NRDE2: variants seen among roughly 807,000 people sequenced by gnomAD.
The protein encoded by NRDE2 is NRDE-2, necessary for RNA interference, domain containing.
A neutral mutation model predicts 124.2 loss-of-function variants in NRDE2; 76 were observed. That is an observed-to-expected ratio of 0.61 (90% CI 0.51 to 0.74). The LOEUF is 0.74. NRDE2 is among the 30% of genes least tolerant of loss of function. NRDE2 has a pLI of 0.00. For missense variants in NRDE2, 1,314 were observed against 1,417.3 expected, an observed-to-expected ratio of 0.93 and a Z score of 1.17; for synonymous variants, 489 against 528.1, an observed-to-expected ratio of 0.93 and a Z score of 1.01.
Position 90,287,033 on chromosome 14 carries a change from C to CAAAAA in NRDE2, c.3159-546_3159-542dup, listed in dbSNP as rs60863011. On this transcript the variant is annotated intron_variant, in intron 11 of 13. Transcript: ENST00000354366. Reference sequence around the variant, plus strand: ...TGGGCAACAGAGTGAGACTCCGTCTCAAAAAAAAAAAAAAAAAAAAAAAAA... The same window carrying CAAAAA: ...TGGGCAACAGAGTGAGACTCCGTCTCAAAAAAAAAAAAAAAAAAAAAAAAAAAAAA... 8.0e-3 allele frequency among the ~76,000 whole-genome samples: 191 copies of CAAAAA among 23,774 alleles called. 6 individuals carry two copies. The highest frequency in any genetic ancestry group is 0.011 in the Non-Finnish European group (126 of 11,722). 15.6% of individuals were successfully genotyped at this position (23,774 alleles called of 152,430 possible). A position where few individuals can be genotyped will look rare whatever the true frequency, so the allele number is the denominator to read the frequency against.
chr14:90,289,909 C>T (rs1892223878), intron 10 of NRDE2, among the ~76,000 whole-genome samples: 1 of 152,176 alleles, frequency 6.6e-6, no homozygotes, highest in African/African-American at 2.4e-5. Flanking sequence ...TAATAAGCCC[C>T]TGAATGCTCT....
chr14:90,328,319 A>AAAG (rs1555362624), intron 1 of NRDE2, among the ~76,000 whole-genome samples: 3 of 149,130 alleles, frequency 2.0e-5, no homozygotes, highest in African/African-American at 4.9e-5. Flanking sequence ...AAAAAAAAAA[A>AAAG]AAAAGAAAAA....
Position 90,268,495 on chromosome 14 carries a change from G to T in NRDE2, c.*9841C>A, listed in dbSNP as rs367968578. On this transcript the variant is annotated 3_prime_UTR_variant, in exon 14 of 14. Transcript: ENST00000354366. ...CTCTTGAGAATGAGCAATCTCAGGGGGCTCTCCCTATGGCCACAGTTCTTG... is the reference window on the plus strand; with the variant it reads ...CTCTTGAGAATGAGCAATCTCAGGGTGCTCTCCCTATGGCCACAGTTCTTG... 7.3e-7 allele frequency: 1 copy of T among 1,373,570 alleles called. No homozygotes were observed. Among genetic ancestry groups the T allele is most frequent in the Non-Finnish European group, 1.0e-6 (1 of 981,632 alleles). The allele number at this position is 1,373,570 out of a possible 1,614,324, so 85.1% of individuals were successfully genotyped here.
rs1188101626 is a variant in NRDE2 at position 90,268,644 on chromosome 14, G to A, written c.*9692C>T. On this transcript the variant is annotated 3_prime_UTR_variant, in exon 14 of 14. Transcript: ENST00000354366. Reference sequence around the variant, plus strand: ...ATGAATAACCATGTCTTGAGCACCCGCCCTGATCCAGGACCATCTGGACTC... The same window carrying A: ...ATGAATAACCATGTCTTGAGCACCCACCCTGATCCAGGACCATCTGGACTC... 1.3e-5 allele frequency: 6 copies of A among 465,786 alleles called. No homozygotes were observed. Among genetic ancestry groups the A allele is most frequent in the Admixed American group, 3.8e-5 (1 of 26,044 alleles). 28.9% of individuals were successfully genotyped at this position (465,786 alleles called of 1,614,324 possible). A position where few individuals can be genotyped will look rare whatever the true frequency, so the allele number is the denominator to read the frequency against.
chr14:90,296,575 C>T lies in NRDE2; in HGVS notation c.1666+1685G>A, dbSNP rs932653501. Among the ~76,000 whole-genome samples the T allele has an allele frequency of 6.6e-5, 10 of 152,104 alleles. 1 individual carries two copies. Among genetic ancestry groups the T allele is most frequent in the Admixed American group, 3.9e-4 (6 of 15,266 alleles). Reference sequence around the variant, plus strand: ...CTCTGAACTGTCGTGCAAGACAATACCTAATCCAAAGTTTTCATGGTGCAA... The same window carrying T: ...CTCTGAACTGTCGTGCAAGACAATATCTAATCCAAAGTTTTCATGGTGCAA... On this transcript the variant is annotated intron_variant, in intron 8 of 13. Coordinates refer to ENST00000354366, the MANE Select transcript of NRDE2 (RefSeq NM_017970.4).
chr14:90,288,394 T>C lies in NRDE2; in HGVS notation c.2981A>G (p.Tyr994Cys). 2 of 1,614,172 alleles carry C rather than the reference T, an allele frequency of 1.2e-6. No homozygotes were observed. ...REALSQALKLYPGNQVLWRSY... is the reference protein window; with the variant it reads ...REALSQALKLCPGNQVLWRSY... ...CCTCCAAAGAACCTGGTTGCCTGGA[T>C]ACAACTTTAAAGCCTGTGAGAGTGC... The change falls in exon 11 of 14, where the codon TAT (tyrosine) becomes TGT (cysteine). Residue 994 changes from tyrosine to cysteine, a missense_variant. Coordinates refer to ENST00000354366, the MANE Select transcript of NRDE2 (RefSeq NM_017970.4).
chr14:90,312,590 C>G, intron 3 of NRDE2, 47 bp from the exon 4 acceptor site: 4 of 1,603,890 alleles, frequency 2.5e-6, no homozygotes, highest in Non-Finnish European at 3.4e-6. Flanking sequence ...TTTAAAAAAT[C>G]TTCCAGTGAC....
At chr14:90,301,486 C>G in intron 6 of NRDE2, 114 bp from the exon 7 acceptor site, 1 of 899,400 alleles carries the variant, frequency 1.1e-6, no homozygotes, top group South Asian at 1.6e-5. Flanking sequence ...CCTGCAATCA[C>G]TATTAATTTA....
At chr14:90,310,521 CT>C (rs35448297) in intron 4 of NRDE2, among the ~76,000 whole-genome samples, 42,792 of 135,816 alleles carry the variant, frequency 0.32, 6,989 homozygotes, top group East Asian at 0.51. Context: ...GTTGACTGCC[CT>C]TTTTTTTTTT....
intron 7 of NRDE2, 148 bp downstream of exon 7, chr14:90,301,091 A>C: frequency 1.3e-6 from 1 of 742,804 alleles, no homozygotes. Flanking sequence ...CCTCCTCAGC[A>C]GACTGATATA....
In NRDE2 at chr14:90,272,352, A is replaced by G. The variant is rs1169244113; in HGVS notation, c.*5984T>C. On this transcript the variant is annotated 3_prime_UTR_variant, in exon 14 of 14. Coordinates refer to ENST00000354366, the MANE Select transcript of NRDE2 (RefSeq NM_017970.4). This position sits in a 1 kb window ranked among gnomAD's most constrained non-coding sequence, Gnocchi z 4.5. Reference sequence around the variant, plus strand: ...ACAAATGAAGACTTCAAAAAATCTAAAGAAAATGTTCTTTATAAGAAACAG... The same window carrying G: ...ACAAATGAAGACTTCAAAAAATCTAGAGAAAATGTTCTTTATAAGAAACAG... 1.2e-6 allele frequency: 2 copies of G among 1,602,794 alleles called. No individual in the cohort carries two copies. Among genetic ancestry groups the G allele is most frequent in the Admixed American group, 1.7e-5 (1 of 57,658 alleles).
intron 1 of NRDE2, among the ~76,000 whole-genome samples, chr14:90,329,478 T>C (rs1404285542): frequency 2.0e-5 from 3 of 151,918 alleles, no homozygotes; most frequent in African/African-American, 7.3e-5. Context: ...GGCAGGAGGA[T>C]CACTTGAGCC....
chr14:90,283,938 C>T (rs1228254394), intron 12 of NRDE2, among the ~76,000 whole-genome samples: 2 of 152,144 alleles, frequency 1.3e-5, no homozygotes, highest in Admixed American at 1.3e-4. Flanking sequence ...GTCTCAATCT[C>T]CTGACCTCGT....
rs752165763 is a variant in NRDE2 at position 90,303,122 on chromosome 14, C to T, written c.1009G>A (p.Glu337Lys). 6.2e-7 allele frequency: 1 copy of T among 1,605,096 alleles called. No homozygotes were observed. Among genetic ancestry groups the T allele is most frequent in the Non-Finnish European group, 8.5e-7 (1 of 1,175,698 alleles). ...TACAGGCCAGGACTTTTCATGACCTCGTCCTCAACAACAAAAACACCAATT... is the reference window on the plus strand; with the variant it reads ...TACAGGCCAGGACTTTTCATGACCTTGTCCTCAACAACAAAAACACCAATT... ...LWMAFVAFQD[E>K]VMKSPGLYAI... Residue 337 changes from glutamate to lysine, a missense_variant, in exon 6 of 14, where the codon GAG (glutamate) becomes AAG (lysine). Glu to Lys is a moderately conservative substitution (Grantham distance 56, BLOSUM62 1). Transcript: ENST00000354366.
intron 13 of NRDE2, 151 bp from the exon 14 acceptor site, chr14:90,278,612 G>A: frequency 3.6e-6 from 3 of 826,444 alleles, no homozygotes; most frequent in South Asian, 3.5e-5. Flanking sequence ...TTCTTAACTC[G>A]GGCAGCACTG....
intron 4 of NRDE2, among the ~76,000 whole-genome samples, chr14:90,307,658 A>G (rs371888871): frequency 4.6e-5 from 7 of 152,310 alleles, no homozygotes; most frequent in Admixed American, 6.5e-5. Context: ...GGCGGATCAC[A>G]AGGTCAGGAG....
chr14:90,330,418 GCTAA>G lies in NRDE2; in HGVS notation c.64+1419_64+1422del, dbSNP rs1733336744. Among the ~76,000 whole-genome samples the G allele has an allele frequency of 2.6e-5, 4 of 152,192 alleles. No homozygotes were observed. The South Asian group carries it at 6.2e-4, about 24-fold the overall frequency. Reference sequence around the variant, plus strand: ...ATTATACTTTGGACCTGTGCTAGGGGCTAACTATGCTACAATGAATAGACAAACA... The same window carrying G: ...ATTATACTTTGGACCTGTGCTAGGGGCTATGCTACAATGAATAGACAAACA... On this transcript the variant is annotated intron_variant, in intron 1 of 13. Coordinates refer to ENST00000354366, the MANE Select transcript of NRDE2 (RefSeq NM_017970.4).
At position 90,302,706 on chromosome 14, in the gene NRDE2, G is replaced by A; in HGVS notation, c.1411+14C>T. ...TAACTCCTCCCACGTAACTGGATCT[G>A]GTTATCTCCTTACCAAACATGGCCT... On this transcript the variant is annotated intron_variant, in intron 6 of 13. Coordinates refer to ENST00000354366, the MANE Select transcript of NRDE2 (RefSeq NM_017970.4). 1 of 1,582,070 alleles carries A rather than the reference G, an allele frequency of 6.3e-7. No individual in the cohort carries two copies. Among genetic ancestry groups the A allele is most frequent in the Non-Finnish European group, 8.6e-7 (1 of 1,163,578 alleles).
rs1322899448 is a variant in NRDE2, at chr14:90,271,610, C to G, written c.*6726G>C. On this transcript the variant is annotated 3_prime_UTR_variant, in exon 14 of 14. Transcript: ENST00000354366. ...TGAAATAGACATATACTGTCAATTG[C>G]CTCTAAGTTTCAGGGCATAATTTTG... 1.3e-5 allele frequency: 2 copies of G among 152,068 alleles called. No individual in the cohort carries two copies. Among genetic ancestry groups the G allele is most frequent in the Non-Finnish European group, 2.9e-5 (2 of 68,014 alleles). 9.4% of individuals were successfully genotyped at this position (152,068 alleles called of 1,614,324 possible). A position where few individuals can be genotyped will look rare whatever the true frequency, so the allele number is the denominator to read the frequency against.
Sources: gnomAD v4.1 joint callset for allele counts (sites outside exome capture counted in the v4.1 genomes callset) on GRCh38, gnomAD v4.1.1 for gene constraint, Gnocchi (gnomAD v3.1) non-coding constraint, MANE v1.5 for transcripts, NCBI Gene and HGNC (gene_info 2026-07-23, HGNC 2026-07-21) for gene names.